The following PCDH15 variants were observed in gnomAD, a reference collection of about 807,000 sequenced individuals.
The protein encoded by PCDH15 is protocadherin related 15.
A neutral mutation model predicts 178.5 loss-of-function variants in PCDH15; 129 were observed. The ratio of observed to expected loss-of-function variants is 0.72; its 90% CI spans 0.63 to 0.84. PCDH15 has a LOEUF of 0.84. PCDH15 is among the 40% of genes least tolerant of loss of function. The pLI is 0.00. For synonymous variants in PCDH15, 800 were observed against 732.0 expected (o/e 1.09, Z -1.50); for missense variants, 2,230 against 2,099.9 (o/e 1.06, Z -1.21).
intron 1 of PCDH15, among the ~76,000 whole-genome samples, chr10:54,795,500 CA>C (rs966491712): frequency 3.3e-5 from 5 of 151,698 alleles, no homozygotes; most frequent in Admixed American, 6.6e-5. Context: ...ATTAAAAAAC[CA>C]AAACATCATT....
At chr10:53,945,854 T>C (rs201251051) in intron 23 of PCDH15, among the ~76,000 whole-genome samples, 46,810 of 121,996 alleles carry the variant, frequency 0.38, 9,419 homozygotes, top group Admixed American at 0.52. Context: ...TATATATATA[T>C]ATATATATAT....
At chr10:54,467,132 C>T (rs972895279) in intron 3 of PCDH15, among the ~76,000 whole-genome samples, 4 of 151,640 alleles carry the variant, frequency 2.6e-5, no homozygotes, top group Non-Finnish European at 3.0e-5. Flanking sequence ...TTTTCCAGTT[C>T]GAATGCCTTT....
chr10:54,605,567 C>G (rs1213412956), intron 2 of PCDH15: 1 of 152,128 alleles, frequency 6.6e-6, no homozygotes, highest in Non-Finnish European at 1.5e-5. Context: ...TTTCAGTGGT[C>G]TCTGGGTGTC....
intron 2 of PCDH15, among the ~76,000 whole-genome samples, chr10:54,661,341 A>G (rs1051245647): frequency 2.6e-5 from 4 of 151,986 alleles, no homozygotes; most frequent in Non-Finnish European, 5.9e-5. Flanking sequence ...AACAAAGGAG[A>G]CCAATGAGGT....
intron 2 of PCDH15, among the ~76,000 whole-genome samples, chr10:54,547,260 T>C (rs892857004): frequency 1.3e-5 from 2 of 152,200 alleles, no homozygotes; most frequent in Non-Finnish European, 2.9e-5. Flanking sequence ...AAATGCTTTA[T>C]ATACATAGCA....
chr10:54,566,097 C>A (rs773049383), intron 2 of PCDH15, among the ~76,000 whole-genome samples: 6 of 152,068 alleles, frequency 3.9e-5, no homozygotes, highest in Non-Finnish European at 7.4e-5. Flanking sequence ...TAAATAAATA[C>A]ATACATACAT....
chr10:54,020,597 G>C (rs973233438), intron 19 of PCDH15, among the ~76,000 whole-genome samples, 181 bp from the exon 20 acceptor site: 2 of 151,790 alleles, frequency 1.3e-5, no homozygotes, highest in African/African-American at 4.8e-5. Flanking sequence ...GGAAGAGAAG[G>C]AGGGATGGGG....
At chr10:53,993,831 G>A (rs2091678708) in intron 21 of PCDH15, among the ~76,000 whole-genome samples, 1 of 152,114 alleles carries the variant, frequency 6.6e-6, no homozygotes, top group African/African-American at 2.4e-5. Flanking sequence ...GATTGTTGGT[G>A]TTTCCAGGGG....
chr10:54,036,738 G>A (rs889273649), intron 18 of PCDH15, among the ~76,000 whole-genome samples: 31 of 151,786 alleles, frequency 2.0e-4, no homozygotes, highest in Non-Finnish European at 7.4e-5. Flanking sequence ...GTAAATTTGA[G>A]GTTTTCATCT....
intron 1 of PCDH15, among the ~76,000 whole-genome samples, chr10:55,259,161 C>A (rs1260030146): frequency 6.6e-6 from 1 of 152,048 alleles, no homozygotes; most frequent in Admixed American, 6.6e-5. Context: ...CAGATGGTAC[C>A]CCTGCTGTAT....
At chr10:53,862,384 A>AT (rs1249388158) in intron 27 of PCDH15, among the ~76,000 whole-genome samples, 3 of 152,050 alleles carry the variant, frequency 2.0e-5, no homozygotes, top group South Asian at 2.1e-4. Context: ...CACGTGCATA[A>AT]TTTTTTAACA....
At position 55,477,184 on chromosome 10, in the gene PCDH15, T is replaced by G. The variant is rs563494183; in HGVS notation, c.-156+150441A>C. Among the ~76,000 whole-genome samples the G allele has an allele frequency of 2.4e-3, 369 of 152,060 alleles. 2 individuals carry two copies. Among genetic ancestry groups the G allele is most frequent in the African/African-American group, 8.5e-3 (354 of 41,538 alleles). Reference sequence around the variant, plus strand: ...TAAGAATATAATCATCATTCATTTTTGGGCATGAATATCTTTTTTTCCTCC... The same window carrying G: ...TAAGAATATAATCATCATTCATTTTGGGGCATGAATATCTTTTTTTCCTCC... On this transcript the variant is annotated intron_variant, in intron 2 of 5. Transcript: ENST00000613346.
At chr10:54,241,364 T>C (rs1177789916) in intron 8 of PCDH15, among the ~76,000 whole-genome samples, 1 of 152,234 alleles carries the variant, frequency 6.6e-6, no homozygotes, top group African/African-American at 2.4e-5. Flanking sequence ...TGCTTGGGTA[T>C]CCTTTATGGA....
chr10:54,860,248 A>C (rs1313734491), intron 3 of PCDH15, among the ~76,000 whole-genome samples: 1 of 152,126 alleles, frequency 6.6e-6, no homozygotes, highest in African/African-American at 2.4e-5. Context: ...TCTATCACCC[A>C]GGTAGTGAGC....
intron 3 of PCDH15, among the ~76,000 whole-genome samples, chr10:54,443,407 T>C (rs1486887503): frequency 1.3e-5 from 2 of 151,408 alleles, no homozygotes; most frequent in African/African-American, 2.4e-5. Flanking sequence ...TAGAGGCCCA[T>C]CCTTTAATAA....
chr10:54,155,715 T>C lies in PCDH15; in HGVS notation c.1591-2422A>G, dbSNP rs543717071. Among the ~76,000 whole-genome samples the C allele has an allele frequency of 2.0e-5, 3 of 150,818 alleles. No individual in the cohort carries two copies. In the South Asian group the frequency reaches 6.3e-4, roughly 32 times the overall value. ...CCTCAACATTAGCAGGAGAATTGCT[T>C]GAACCTGAGAGGCAGAGGTTGCAGT... On this transcript the variant is annotated intron_variant, in intron 13 of 37. Transcript: ENST00000644397.
At chr10:55,237,776 A>G (rs1156360968) in intron 1 of PCDH15, among the ~76,000 whole-genome samples, 1 of 152,132 alleles carries the variant, frequency 6.6e-6, no homozygotes, top group Non-Finnish European at 1.5e-5. Flanking sequence ...AAACCTTGGT[A>G]GATTGAATGC....
chr10:55,510,139 A>T (rs888160960), intron 2 of PCDH15, among the ~76,000 whole-genome samples: 1 of 152,002 alleles, frequency 6.6e-6, no homozygotes, highest in Non-Finnish European at 1.5e-5. Flanking sequence ...TGAACTGAAT[A>T]TATTAACTCT....
At chr10:54,342,198 T>C (rs962238981) in intron 6 of PCDH15, among the ~76,000 whole-genome samples, 1 of 152,078 alleles carries the variant, frequency 6.6e-6, no homozygotes, top group African/African-American at 2.4e-5. Flanking sequence ...ATTTTAGGGA[T>C]CTTCATGGCA....
Sources: gnomAD v4.1 joint callset for allele counts (sites outside exome capture counted in the v4.1 genomes callset) on GRCh38, gnomAD v4.1.1 for gene constraint, MANE v1.5 for transcripts, NCBI Gene and HGNC (gene_info 2026-07-23, HGNC 2026-07-21) for gene names.